MED14: variants seen among roughly 807,000 people sequenced by gnomAD.
MED14 encodes the protein mediator of RNA polymerase II transcription subunit 14.
A neutral mutation model predicts 109.0 loss-of-function variants in MED14; 8 were observed. The ratio of observed to expected loss-of-function variants is 0.07; its 90% CI spans 0.04 to 0.13. The LOEUF (loss-of-function observed/expected upper bound fraction) is 0.13. Ranked by LOEUF, MED14 falls within the 10% of genes least tolerant of loss-of-function variation. The pLI is 1.00. For missense variants in MED14, 711 were observed against 1,142.4 expected (o/e 0.62, Z 5.44); for synonymous variants, 399 against 408.7 (o/e 0.98, Z 0.29).
At chrX:40,670,776 A>AT (rs1003155639) in intron 23 of MED14, among the ~76,000 whole-genome samples, 14 of 109,301 alleles carry the variant, frequency 1.3e-4, no homozygotes, top group African/African-American at 4.5e-4. Context: ...TCAAAAAAAA[A>AT]AAAAAATAAA....
At chrX:40,658,091 GCCT>G (rs1218533422) in intron 28 of MED14, among the ~76,000 whole-genome samples, 3 of 106,588 alleles carry the variant, frequency 2.8e-5, no homozygotes, top group Non-Finnish European at 5.8e-5. Flanking sequence ...ACCGTGCACG[GCCT>G]TTTTTTGTGT....
chrX:40,690,950 C>T (rs1336810172), intron 15 of MED14, among the ~76,000 whole-genome samples: 1 of 112,408 alleles, frequency 8.9e-6, no homozygotes. Context: ...CCATCATCAT[C>T]AGCCCAACTG....
chrX:40,709,430 C>T lies in MED14; in HGVS notation c.1203G>A (p.Leu401=). The T allele has an allele frequency of 8.8e-7, 1 of 1,136,179 alleles. No homozygotes were observed. Among genetic ancestry groups the T allele is most frequent in the Non-Finnish European group, 1.2e-6 (1 of 846,740 alleles). 93.6% of individuals were successfully genotyped at this position (1,136,179 alleles called of 1,213,427 possible). ...GAGCTCTTGCATGGACACTGTCAAT[C>T]AGGAGTTTTTCTATTGATAAGTGGT... ...KIDHLSIEKL[L]IDSVHARAHQ... is the part of the protein sequence containing the mutation. The change falls in exon 10 of 31, where the codon CTG becomes CTA. Residue 401 remains leucine (L), a synonymous_variant. Coordinates refer to ENST00000324817, the MANE Select transcript of MED14 (RefSeq NM_004229.4).
chrX:40,683,383 G>T (rs1930190609), intron 16 of MED14, among the ~76,000 whole-genome samples: 1 of 111,350 alleles, frequency 9.0e-6, no homozygotes, highest in Non-Finnish European at 1.9e-5. Context: ...AAAGAATAAG[G>T]GCCTTGGAGT....
rs766478007 is a variant in MED14 at position 40,662,957 on chromosome X, G to T, written c.3652C>A (p.Arg1218=). 2 of 1,208,236 alleles carry T rather than the reference G, an allele frequency of 1.7e-6. No homozygotes were observed. The highest frequency in any genetic ancestry group is 3.5e-5 in the African/African-American group (2 of 57,104). The part of the protein sequence containing the change: ...ERFLGSVIMR[R]HLQRIIQQET... ...TGTTGAATAATTCTTTGAAGATGTC[G>T]TCTCATGATGACTGATCCAAGGAAT... The change falls in exon 26 of 31, where the codon CGA becomes AGA. Residue 1218 remains arginine, a synonymous_variant. Transcript: ENST00000324817.
chrX:40,732,292 G>A (rs993704811), intron 1 of MED14, among the ~76,000 whole-genome samples: 1 of 112,580 alleles, frequency 8.9e-6, no homozygotes, highest in Admixed American at 9.3e-5. Flanking sequence ...GCCAAGGCGG[G>A]TAGATCACCT....
At chrX:40,705,697 A>T (rs1358200329) in intron 10 of MED14, among the ~76,000 whole-genome samples, 1 of 111,920 alleles carries the variant, frequency 8.9e-6, no homozygotes, top group Non-Finnish European at 1.9e-5. Context: ...ACAAGATGAG[A>T]ATGGATAACA....
rs760029745 is a variant in MED14, at chrX:40,714,548, T to C, written c.511A>G (p.Thr171Ala). Residue 171 changes from threonine (T) to alanine (A), a missense_variant, in exon 4 of 31, where the codon ACC (threonine) becomes GCC (alanine). By Grantham distance (58) the Thr-to-Ala change is moderately conservative. Coordinates refer to ENST00000324817, the MANE Select transcript of MED14 (RefSeq NM_004229.4). ...LTTGSYPRLP[T>A]CIRDKIIPPD... Reference sequence around the variant, plus strand: ...AGCAAAGAACTTACCCTAATGCAGGTTGGCAGCCGTGGGTAAGATCCAGTA... The same window carrying C: ...AGCAAAGAACTTACCCTAATGCAGGCTGGCAGCCGTGGGTAAGATCCAGTA... 47 of 1,210,990 alleles carry C rather than the reference T, an allele frequency of 3.9e-5. No homozygotes were observed. The East Asian group carries it at 5.3e-4, about 14-fold the overall frequency.
chrX:40,656,533 A>C (rs1435728900), intron 28 of MED14, among the ~76,000 whole-genome samples: 1 of 112,405 alleles, frequency 8.9e-6, no homozygotes, highest in Admixed American at 9.5e-5. Flanking sequence ...AAAATCTACC[A>C]AAATTACAAT....
In MED14 at chrX:40,675,206, C is replaced by G; in HGVS notation, c.3021+15G>C. On this transcript the variant is annotated intron_variant, in intron 22 of 30. Transcript: ENST00000324817. ...CAGAAATGTGATACCACTTGGAATT[C>G]TGGCTAGATATTACCTGTTGCTGGG... is the stretch of plus-strand genomic sequence containing the variant. The G allele has an allele frequency of 8.8e-7, 1 of 1,142,755 alleles. No homozygotes were observed. The highest frequency in any genetic ancestry group is 1.2e-6 in the Non-Finnish European group (1 of 862,511). The allele number at this position is 1,142,755 out of a possible 1,213,427, so 94.2% of individuals were successfully genotyped here. A position where few individuals can be genotyped will look rare whatever the true frequency, so the allele number is the denominator to read the frequency against.
chrX:40,662,912 T>G lies in MED14; in HGVS notation c.3684+13A>C, dbSNP rs191687982. The G allele has an allele frequency of 1.4e-3, 1,611 of 1,163,546 alleles. 19 individuals are homozygous for G. The African/African-American group carries it at 0.025, about 18-fold the overall frequency. On this transcript the variant is annotated intron_variant, in intron 26 of 30. Coordinates refer to ENST00000324817, the MANE Select transcript of MED14 (RefSeq NM_004229.4). ...TAACAATCACCACTTAGAAGGTCATTAGGTACCCATACCGTTTCTTGTTGA... is the reference window on the plus strand; with the variant it reads ...TAACAATCACCACTTAGAAGGTCATGAGGTACCCATACCGTTTCTTGTTGA...
At position 40,680,800 on chromosome X, in the gene MED14, T is replaced by C. The variant is rs756023204; in HGVS notation, c.2568A>G (p.Gln856=). 5.0e-6 allele frequency: 6 copies of C among 1,205,339 alleles called. No homozygotes were observed. The Admixed American group carries it at 8.8e-5, about 18-fold the overall frequency. Residue 856 remains glutamine, a synonymous_variant, in exon 20 of 31, where the codon CAA becomes CAG. Coordinates refer to ENST00000324817, the MANE Select transcript of MED14 (RefSeq NM_004229.4). ...CATTTGGTGTTTTGTTGAACATTTC[T>C]TGAAGCTGATGGAGAATGGTATTGT... ...NCHNTILHQL[Q]EMFNKTPNVV... is the part of the protein sequence containing the mutation.
At chrX:40,729,367 G>A (rs755683474) in intron 1 of MED14, 22 bp from the exon 2 acceptor site, 28 of 1,115,184 alleles carry the variant, frequency 2.5e-5, no homozygotes, top group East Asian at 3.0e-5. Context: ...AAAAAAAAAC[G>A]GATTAGATAC....
intron 12 of MED14, among the ~76,000 whole-genome samples, chrX:40,700,633 G>C (rs899997136): frequency 9.0e-6 from 1 of 110,534 alleles, no homozygotes; most frequent in African/African-American, 3.3e-5. Flanking sequence ...GTTGCTATAA[G>C]GGTACCTTTG....
chrX:40,701,994 A>G (rs1930952436), intron 11 of MED14, among the ~76,000 whole-genome samples: 1 of 111,347 alleles, frequency 9.0e-6, no homozygotes, highest in African/African-American at 3.3e-5. Context: ...TAGCAGACTT[A>G]TAAGAACGGA....
At chrX:40,682,469 G>A in intron 18 of MED14, 134 bp downstream of exon 18, 1 of 526,754 alleles carries the variant, frequency 1.9e-6, no homozygotes, top group African/African-American at 2.4e-5. Context: ...TGAAGTGAAA[G>A]GAATACTTAA....
chrX:40,709,411 T>C lies in MED14; in HGVS notation c.1222A>G (p.Arg408Gly). 3.5e-6 allele frequency: 4 copies of C among 1,145,470 alleles called. No individual in the cohort carries two copies. The highest frequency in any genetic ancestry group is 4.7e-6 in the Non-Finnish European group (4 of 853,128). 94.4% of individuals were successfully genotyped at this position (1,145,470 alleles called of 1,213,427 possible). A position where few individuals can be genotyped will look rare whatever the true frequency, so the allele number is the denominator to read the frequency against. ...AGTTCTTGGAGCTTCTGATGAGCTCTTGCATGGACACTGTCAATCAGGAGT... is the reference window on the plus strand; with the variant it reads ...AGTTCTTGGAGCTTCTGATGAGCTCCTGCATGGACACTGTCAATCAGGAGT... ...EKLLIDSVHA[R>G]AHQKLQELKA... Residue 408 changes from arginine to glycine, a missense_variant, in exon 10 of 31, where the codon AGA becomes GGA. Physicochemically the swap from Arg to Gly is moderately radical, Grantham distance 125. This residue lies in a region of MED14 where 388 missense variants were observed against 517.3 expected (regional missense o/e 0.75). Coordinates refer to ENST00000324817, the MANE Select transcript of MED14 (RefSeq NM_004229.4).
intron 10 of MED14, among the ~76,000 whole-genome samples, chrX:40,705,579 A>T (rs1376899935): frequency 1.8e-5 from 2 of 112,485 alleles, no homozygotes; most frequent in Non-Finnish European, 3.8e-5. Flanking sequence ...ACTTGCAAAG[A>T]AAATAAAGAA....
Position 40,703,580 on chromosome X carries a change from A to G in MED14, c.1286-11T>C. 2.7e-6 allele frequency: 3 copies of G among 1,130,160 alleles called. No homozygotes were observed. The highest frequency in any genetic ancestry group is 2.4e-6 in the Non-Finnish European group (2 of 846,259). The allele number at this position is 1,130,160 out of a possible 1,213,427, so 93.1% of individuals were successfully genotyped here. On this transcript the variant is annotated splice_polypyrimidine_tract_variant and intron_variant, in intron 10 of 30. Coordinates refer to ENST00000324817, the MANE Select transcript of MED14 (RefSeq NM_004229.4). ...CAGTCTCTATGGAAGCTGAACAATCAAGAATTAAAAATTATTTTTCTATCT... is the reference window on the plus strand; with the variant it reads ...CAGTCTCTATGGAAGCTGAACAATCGAGAATTAAAAATTATTTTTCTATCT...
Sources: gnomAD v4.1 joint callset for allele counts (sites outside exome capture counted in the v4.1 genomes callset) on GRCh38, gnomAD v4.1.1 for gene constraint, gnomAD v4.1.1 regional missense constraint, MANE v1.5 for transcripts, NCBI Gene and HGNC (gene_info 2026-07-23, HGNC 2026-07-21) for gene names.